Variants in XPC observed in about 807,000 individuals in gnomAD.
XPC encodes the protein DNA repair protein complementing XP-C cells.
Under a neutral mutation model 95.8 loss-of-function variants are expected in XPC, and 76 were observed. That is an observed-to-expected ratio of 0.79 (90% CI 0.66 to 0.96). XPC has a LOEUF of 0.96. XPC is among the 40% of genes least tolerant of loss of function. The probability of loss-of-function intolerance (pLI) is 0.00; values close to 1 mark genes in which losing one functional copy is unlikely to be tolerated. For synonymous variants in XPC, 442 were observed against 442.1 expected (o/e 1.00, Z 0.00); for missense variants, 1,146 against 1,179.8 (o/e 0.97, Z 0.42).
At chr3:14,152,088 G>T (rs976451074) in intron 11 of XPC, among the ~76,000 whole-genome samples, 1 of 151,962 alleles carries the variant, frequency 6.6e-6, no homozygotes, top group East Asian at 1.9e-4. Flanking sequence ...GGAGTCTGAG[G>T]CCTACTTTTT....
chr3:14,148,287 A>G (rs1574949412), intron 13 of XPC: 2 of 586,700 alleles, frequency 3.4e-6, no homozygotes, highest in East Asian at 5.9e-5. Context: ...CCGGGGAAAG[A>G]TGCTGACTGT....
In XPC at chr3:14,167,117, A is replaced by G. The variant is rs3731100; in HGVS notation, c.621+52T>C. ...CAGAAATAAAGCCTCGGTGAGCACAAGCTCTTTGCACCGACAAGGAAAAGT... is the reference window on the plus strand; with the variant it reads ...CAGAAATAAAGCCTCGGTGAGCACAGGCTCTTTGCACCGACAAGGAAAAGT... On this transcript the variant is annotated intron_variant, in intron 5 of 15. Coordinates refer to ENST00000285021, the MANE Select transcript of XPC (RefSeq NM_004628.5). The G allele has an allele frequency of 6.5e-4, 963 of 1,480,314 alleles. 6 individuals carry two copies. In the African/African-American group the frequency reaches 0.012, roughly 19 times the overall value. 91.7% of individuals were successfully genotyped at this position (1,480,314 alleles called of 1,614,324 possible). A position where few individuals can be genotyped will look rare whatever the true frequency, so the allele number is the denominator to read the frequency against.
rs1241967833 is a variant in XPC, at chr3:14,145,254, A to G, written c.*687T>C. On this transcript the variant is annotated 3_prime_UTR_variant, in exon 16 of 16. Coordinates refer to ENST00000285021, the MANE Select transcript of XPC (RefSeq NM_004628.5). Reference sequence around the variant, plus strand: ...AGTAATGAATACAATCTAGTTTAACACTCATCTATTTTACTAACATTTCCT... The same window carrying G: ...AGTAATGAATACAATCTAGTTTAACGCTCATCTATTTTACTAACATTTCCT... 1.8e-5 allele frequency: 12 copies of G among 683,684 alleles called. No individual in the cohort carries two copies. Among genetic ancestry groups the G allele is most frequent in the Middle Eastern group, 3.7e-4 (1 of 2,692 alleles). The allele number at this position is 683,684 out of a possible 1,614,324, so 42.4% of individuals were successfully genotyped here.
chr3:14,170,456 C>T lies in XPC; in HGVS notation c.394G>A (p.Asp132Asn). 6.2e-7 allele frequency: 1 copy of T among 1,613,770 alleles called. No homozygotes were observed. The highest frequency in any genetic ancestry group is 8.5e-7 in the Non-Finnish European group (1 of 1,179,716). The change falls in exon 3 of 16, where the codon GAT (aspartate) becomes AAT (asparagine). Residue 132 changes from aspartate to asparagine, a missense_variant. By Grantham distance (23) the Asp-to-Asn change is conservative. Coordinates refer to ENST00000285021, the MANE Select transcript of XPC (RefSeq NM_004628.5). ...GTTTCACCTTCAACCTCTTCCCAAT[C>T]ATTTTCACTTTCTTCCTCTTCTTCA... is the stretch of plus-strand genomic sequence containing the variant. ...SNEEEEESEN[D>N]WEEVEELSEP...
At chr3:14,159,647 C>T (rs1696085561) in intron 8 of XPC, 94 bp downstream of exon 8, 4 of 1,273,166 alleles carry the variant, frequency 3.1e-6, no homozygotes, top group South Asian at 1.3e-5. Flanking sequence ...TCCGTGAATA[C>T]CAGCTCTTAA....
intron 4 of XPC, 104 bp from the exon 5 acceptor site, chr3:14,167,357 C>T: frequency 9.8e-7 from 1 of 1,024,122 alleles, no homozygotes; most frequent in Admixed American, 2.4e-5. Context: ...ATCACTCTCC[C>T]TGTTTCCCTA....
rs560018173 is a variant in XPC at position 14,168,110 on chromosome 3, T to C, written c.536+147A>G. 1.2e-5 allele frequency: 14 copies of C among 1,142,550 alleles called. No individual in the cohort carries two copies. In the Admixed American group the frequency reaches 2.2e-4, roughly 18 times the overall value. 70.8% of individuals were successfully genotyped at this position (1,142,550 alleles called of 1,614,324 possible). ...CACGAAGGTGTCTCATTCAAGTCTC[T>C]AAAGGTAAATCAGGTTCCTGACCCA... On this transcript the variant is annotated intron_variant, in intron 4 of 15. Coordinates refer to ENST00000285021, the MANE Select transcript of XPC (RefSeq NM_004628.5).
At chr3:14,161,442 T>C (rs372991290) in intron 7 of XPC, among the ~76,000 whole-genome samples, 6 of 151,398 alleles carry the variant, frequency 4.0e-5, no homozygotes, top group Admixed American at 6.6e-5. Context: ...AAAAAACAAA[T>C]TGAACATATG....
chr3:14,152,632 A>C (rs929368120), intron 10 of XPC: 29 of 501,416 alleles, frequency 5.8e-5, no homozygotes, highest in Non-Finnish European at 9.5e-5. Context: ...TACAAACCCT[A>C]ATCTGCAGCC....
intron 11 of XPC, chr3:14,150,115 C>A (rs1001902197): frequency 1.3e-5 from 2 of 152,412 alleles, no homozygotes; most frequent in Non-Finnish European, 2.9e-5. Context: ...GTTCAGGACT[C>A]CCAGTGTGCT....
chr3:14,157,281 A>G (rs1000381937), intron 9 of XPC, among the ~76,000 whole-genome samples: 1 of 152,170 alleles, frequency 6.6e-6, no homozygotes. Flanking sequence ...TATGGGATGC[A>G]TTGCACTCCT....
chr3:14,157,053 A>G (rs1025935539), intron 9 of XPC, among the ~76,000 whole-genome samples: 3 of 152,192 alleles, frequency 2.0e-5, no homozygotes, highest in African/African-American at 7.2e-5. Flanking sequence ...CATCTCTTCA[A>G]AAACCCCAAC....
chr3:14,158,861 G>C lies in XPC; in HGVS notation c.1022C>G (p.Ala341Gly), dbSNP rs192285219. ...AGTTTCTGAGGAGCCTCCTGGATCC[G>C]CAGTCAATCTTTCCTTGGAAGGTTT... ...GKKPSKERLT[A>G]DPGGSSETSS... Residue 341 changes from alanine to glycine, a missense_variant, in exon 9 of 16, where the codon GCG (alanine) becomes GGG (glycine). Coordinates refer to ENST00000285021, the MANE Select transcript of XPC (RefSeq NM_004628.5). This position sits in a 1 kb window ranked among gnomAD's most constrained non-coding sequence, Gnocchi z 5.2. 1.9e-6 allele frequency: 3 copies of C among 1,613,794 alleles called. No individual in the cohort carries two copies. The Admixed American group carries it at 5.0e-5, about 27-fold the overall frequency.
rs900217168 is a variant in XPC at position 14,148,679 on chromosome 3, G to A, written c.2303C>T (p.Pro768Leu). 1 of 1,614,054 alleles carries A rather than the reference G, an allele frequency of 6.2e-7. No homozygotes were observed. Among genetic ancestry groups the A allele is most frequent in the South Asian group, 1.1e-5 (1 of 91,088 alleles). ...NVYLFLPSMM[P>L]IGCVQLNLPN... Reference sequence around the variant, plus strand: ...CAGGTTCAGCTGGACACAGCCAATAGGCATCATGCTGGGCAGGAAGAGGTA... The same window carrying A: ...CAGGTTCAGCTGGACACAGCCAATAAGCATCATGCTGGGCAGGAAGAGGTA... Residue 768 changes from proline (P) to leucine (L), a missense_variant, in exon 13 of 16, where the codon CCT (proline) becomes CTT (leucine). Transcript: ENST00000285021.
At chr3:14,176,183 G>C (rs1574980726) in intron 1 of XPC, among the ~76,000 whole-genome samples, 1 of 152,316 alleles carries the variant, frequency 6.6e-6, no homozygotes, top group Non-Finnish European at 1.5e-5. Context: ...CTACCAAGCT[G>C]GAACCGAGGT....
chr3:14,159,891 A>C, intron 7 of XPC, 61 bp from the exon 8 acceptor site: 2 of 1,482,624 alleles, frequency 1.3e-6, no homozygotes, highest in East Asian at 2.5e-5. Flanking sequence ...TAATGAGTTC[A>C]ATGTTGTTTG....
intron 2 of XPC, among the ~76,000 whole-genome samples, chr3:14,171,346 T>C (rs569564829): frequency 6.6e-6 from 1 of 152,186 alleles, no homozygotes; most frequent in South Asian, 2.1e-4. Context: ...CCACTTTCTC[T>C]CAAAACACCA....
chr3:14,173,039 G>C lies in XPC; in HGVS notation c.127C>G (p.Pro43Ala), dbSNP rs1447136724. ...ACTTTGGAGAGAAGGCTCTTCTTTG[G>C]GGGTTTCTCATCTTCAAAGGCATCT... ...EEDAFEDEKP[P>A]KKSLLSKVSQ... Residue 43 changes from proline (P) to alanine (A), a missense_variant, in exon 2 of 16, where the codon CCA becomes GCA. Transcript: ENST00000285021. 4.4e-6 allele frequency: 7 copies of C among 1,595,088 alleles called. No homozygotes were observed. The African/African-American group carries it at 9.5e-5, about 22-fold the overall frequency.
In XPC at chr3:14,165,439, G is replaced by A; in HGVS notation, c.768C>T (p.Asn256=). Residue 256 remains asparagine (N), a synonymous_variant, in exon 6 of 16, where the codon AAC becomes AAT. Transcript: ENST00000285021. ...PRDVDTYYLS[N]LVKWFIGTFT... ...GCGGAGGGCCTTACCACTTCACCAG[G>A]TTTGAGAGGTAGTAGGTGTCCACAT... is the stretch of plus-strand genomic sequence containing the variant. The A allele has an allele frequency of 5.0e-6, 8 of 1,594,966 alleles. No individual in the cohort carries two copies. Among genetic ancestry groups the A allele is most frequent in the South Asian group, 1.1e-5 (1 of 87,714 alleles).
Sources: gnomAD v4.1 joint callset for allele counts (sites outside exome capture counted in the v4.1 genomes callset) on GRCh38, gnomAD v4.1.1 for gene constraint, Gnocchi (gnomAD v3.1) non-coding constraint, MANE v1.5 for transcripts, NCBI Gene and HGNC (gene_info 2026-07-23, HGNC 2026-07-21) for gene names.